Variants in RP1 observed in about 807,000 individuals in gnomAD.
The protein encoded by RP1 is oxygen-regulated protein 1.
Under a neutral mutation model 14.8 loss-of-function variants are expected in RP1, and 16 were observed. That is an observed-to-expected ratio of 1.08 (90% CI 0.73 to 1.65). The LOEUF (loss-of-function observed/expected upper bound fraction) is 1.65. Among genes scored for constraint, RP1 ranks in the 40% most tolerant of loss-of-function variants. The probability of loss-of-function intolerance (pLI) is 0.00; values close to 1 mark genes in which losing one functional copy is unlikely to be tolerated. For synonymous variants in RP1, 876 were observed against 883.6 expected, an observed-to-expected ratio of 0.99 and a Z score of 0.15; for missense variants, 2,631 against 2,535.0, an observed-to-expected ratio of 1.04 and a Z score of -0.81.
intron 25 of RP1, among the ~76,000 whole-genome samples, chr8:54,839,345 TC>T (rs1479596775): frequency 6.6e-6 from 1 of 152,206 alleles, no homozygotes; most frequent in African/African-American, 2.4e-5. Flanking sequence ...ACCCACTCAT[TC>T]AACCATTCCA....
At chr8:54,786,581 C>A (rs574203981) in intron 24 of RP1, among the ~76,000 whole-genome samples, 9 of 151,950 alleles carry the variant, frequency 5.9e-5, no homozygotes, top group African/African-American at 2.2e-4. Context: ...TACCAATGTT[C>A]GTCGTTTTCA....
intron 17 of RP1, among the ~76,000 whole-genome samples, chr8:54,728,120 T>G (rs763533908): frequency 8.5e-5 from 13 of 152,150 alleles, no homozygotes; most frequent in Non-Finnish European, 1.9e-4. Context: ...GGTTAAATTT[T>G]GCCTTCTCTG....
chr8:54,795,517 T>C (rs1222467272), intron 24 of RP1, among the ~76,000 whole-genome samples: 3 of 152,132 alleles, frequency 2.0e-5, no homozygotes, highest in Non-Finnish European at 2.9e-5. Context: ...TTTTTATTTA[T>C]TGGAGGACAA....
chr8:54,863,044 G>GATATAT (rs61233765), intron 27 of RP1, among the ~76,000 whole-genome samples: 10,591 of 101,538 alleles, frequency 0.1, 878 homozygotes, highest in East Asian at 0.16. Context: ...ATTCCAAATG[G>GATATAT]ATATATATAT....
chr8:54,607,385 G>C (rs540347847), intron 1 of RP1, among the ~76,000 whole-genome samples: 2 of 152,178 alleles, frequency 1.3e-5, no homozygotes, highest in Non-Finnish European at 2.9e-5. Flanking sequence ...AAATGTTACT[G>C]CCTGATTGTT....
chr8:54,811,351 C>A (rs1030588526), intron 24 of RP1, among the ~76,000 whole-genome samples: 3 of 152,212 alleles, frequency 2.0e-5, no homozygotes, highest in Admixed American at 6.5e-5. Flanking sequence ...AAATTATCAA[C>A]ACTATTTGTA....
intron 1 of RP1, among the ~76,000 whole-genome samples, chr8:54,582,651 C>T (rs1018123811): frequency 6.6e-6 from 1 of 152,060 alleles, no homozygotes; most frequent in Non-Finnish European, 1.5e-5. Flanking sequence ...AATGTTCTTC[C>T]ATTTGTTTGT....
intron 14 of RP1, chr8:54,706,366 G>T: frequency 7.2e-7 from 1 of 1,392,186 alleles, no homozygotes; most frequent in Non-Finnish European, 9.7e-7. Context: ...TAAGAGAATT[G>T]CCTCTATAGT....
At chr8:54,777,710 T>C (rs1810076940) in intron 23 of RP1, among the ~76,000 whole-genome samples, 2 of 152,204 alleles carry the variant, frequency 1.3e-5, no homozygotes, top group Non-Finnish European at 1.5e-5. Flanking sequence ...TGAATTTATA[T>C]ACATAGAATT....
chr8:54,825,158 A>G (rs1056254389), intron 24 of RP1, among the ~76,000 whole-genome samples: 2 of 152,074 alleles, frequency 1.3e-5, no homozygotes, highest in Admixed American at 6.5e-5. Context: ...ACGAGGTTTC[A>G]TTGTGTTAGC....
intron 1 of RP1, among the ~76,000 whole-genome samples, chr8:54,576,905 C>T (rs1037907754): frequency 6.6e-6 from 1 of 152,178 alleles, no homozygotes; most frequent in Non-Finnish European, 1.5e-5. Flanking sequence ...TTTCTGAAAA[C>T]TTGGTTTGAT....
At chr8:54,843,061 T>TTG (rs1811825280) in intron 25 of RP1, among the ~76,000 whole-genome samples, 1 of 152,010 alleles carries the variant, frequency 6.6e-6, no homozygotes, top group South Asian at 2.1e-4. Flanking sequence ...CGTACTTCTT[T>TTG]TGTGTGTGTG....
chr8:54,761,502 G>C lies in RP1; in HGVS notation c.3248+2426G>C, dbSNP rs778199891. Among the ~76,000 whole-genome samples the C allele has an allele frequency of 2.0e-5, 3 of 151,976 alleles. No individual in the cohort carries two copies. The East Asian group carries it at 5.8e-4, about 29-fold the overall frequency. On this transcript the variant is annotated intron_variant, in intron 22 of 22. Coordinates refer to the RP1 transcript ENST00000636932. ...TCCGCTCGCCTTAACCTCCCAAACT[G>C]CTGGATTACAGGCATGAGCCACCGC... is the stretch of plus-strand genomic sequence containing the variant.
intron 24 of RP1, among the ~76,000 whole-genome samples, chr8:54,830,432 T>TC (rs1811492174): frequency 6.6e-6 from 1 of 151,978 alleles, no homozygotes; most frequent in African/African-American, 2.4e-5. Flanking sequence ...CCCTACTCCC[T>TC]CCCCCCACTG....
chr8:54,652,809 T>C, exon 5 of RP1: 2 of 1,535,924 alleles, frequency 1.3e-6, no homozygotes, highest in African/African-American at 2.7e-5. Flanking sequence ...GAGCACTCTT[T>C]AAGATTCGTA....
At chr8:54,856,682 G>A (rs1183521494) in intron 26 of RP1, among the ~76,000 whole-genome samples, 1 of 152,094 alleles carries the variant, frequency 6.6e-6, no homozygotes, top group East Asian at 1.9e-4. Context: ...GATTCAATGA[G>A]TTAATATATG....
exon 28 of RP1, chr8:54,865,872 T>C: frequency 8.1e-7 from 1 of 1,230,054 alleles, no homozygotes; most frequent in Middle Eastern, 3.1e-4. Context: ...TTGTTAAGTC[T>C]GAAGATGAAG....
At chr8:54,590,415 C>T (rs1314218146) in intron 1 of RP1, among the ~76,000 whole-genome samples, 1 of 152,168 alleles carries the variant, frequency 6.6e-6, no homozygotes, top group African/African-American at 2.4e-5. Flanking sequence ...CCAATGACCT[C>T]CCTCTTGCAC....
At chr8:54,837,952 T>G (rs1811701161) in intron 25 of RP1, among the ~76,000 whole-genome samples, 1 of 152,234 alleles carries the variant, frequency 6.6e-6, no homozygotes, top group Non-Finnish European at 1.5e-5. Context: ...GAAATAGTAT[T>G]CTGGTTTTGA....
Sources: gnomAD v4.1 joint callset for allele counts (sites outside exome capture counted in the v4.1 genomes callset) on GRCh38, gnomAD v4.1.1 for gene constraint, MANE v1.5 for transcripts, NCBI Gene and HGNC (gene_info 2026-07-23, HGNC 2026-07-21) for gene names.